The following SLC2A13 variants were observed in gnomAD, a reference collection of about 807,000 sequenced individuals.
SLC2A13 encodes the protein proton myo-inositol cotransporter.
In SLC2A13, 32 loss-of-function variants were observed where a neutral mutation model predicts 64.4. That is an observed-to-expected ratio of 0.50 (90% CI 0.37 to 0.67). SLC2A13 has a LOEUF of 0.67. Among genes scored for constraint, SLC2A13 ranks in the 30% least tolerant of loss-of-function variants. The pLI, the probability that SLC2A13 is intolerant of heterozygous loss-of-function variation, is 0.00. For missense variants in SLC2A13, 743 were observed against 829.2 expected (o/e 0.90, Z 1.28); for synonymous variants, 338 against 327.1 (o/e 1.03, Z -0.36).
chr12:39,969,287 T>A (rs1312867744), intron 3 of SLC2A13, among the ~76,000 whole-genome samples: 1 of 152,254 alleles, frequency 6.6e-6, no homozygotes, highest in Non-Finnish European at 1.5e-5. Context: ...TATAGTAGCA[T>A]GATTTATAAT....
chr12:39,764,709 G>C lies in SLC2A13; in HGVS notation c.1567+28C>G, dbSNP rs193028025. The C allele has an allele frequency of 1.7e-3, 2,696 of 1,604,740 alleles. 3 individuals are homozygous for C. The highest frequency in any genetic ancestry group is 5.8e-3 in the Middle Eastern group (35 of 6,010). On this transcript the variant is annotated intron_variant, in intron 8 of 9. Transcript: ENST00000280871. ...TCCAAAAAGAGGCAATTCAATTAATGCAACAGTATAACAAAGTCTTTGTTT... is the reference window on the plus strand; with the variant it reads ...TCCAAAAAGAGGCAATTCAATTAATCCAACAGTATAACAAAGTCTTTGTTT...
chr12:39,990,070 C>T (rs183884758), intron 3 of SLC2A13, among the ~76,000 whole-genome samples: 3 of 152,278 alleles, frequency 2.0e-5, no homozygotes, highest in East Asian at 3.9e-4. Context: ...AAGTCTAGGA[C>T]TCCTTCCTTT....
At chr12:40,085,851 G>A (rs779231196) in intron 1 of SLC2A13, among the ~76,000 whole-genome samples, 4 of 151,842 alleles carry the variant, frequency 2.6e-5, no homozygotes, top group African/African-American at 9.7e-5. Flanking sequence ...CCAATTTCAC[G>A]TCCCGCATTC....
intron 3 of SLC2A13, among the ~76,000 whole-genome samples, chr12:39,962,119 G>C (rs1216171640): frequency 2.6e-5 from 4 of 152,030 alleles, no homozygotes; most frequent in African/African-American, 9.7e-5. Flanking sequence ...CCTGAGAAAA[G>C]CCCTATGGAT....
intron 3 of SLC2A13, among the ~76,000 whole-genome samples, chr12:39,968,261 T>A (rs991747990): frequency 1.3e-5 from 2 of 151,962 alleles, no homozygotes; most frequent in African/African-American, 4.8e-5. Context: ...TGTGGGGTGG[T>A]GCGGCGGGAG....
At chr12:39,924,034 G>A (rs1043432179) in intron 4 of SLC2A13, among the ~76,000 whole-genome samples, 2 of 151,990 alleles carry the variant, frequency 1.3e-5, no homozygotes, top group African/African-American at 4.8e-5. Flanking sequence ...ATTGAATACA[G>A]CTTATCAAGA....
intron 7 of SLC2A13, among the ~76,000 whole-genome samples, chr12:39,821,725 C>T (rs1474031972): frequency 6.6e-6 from 1 of 152,122 alleles, no homozygotes; most frequent in African/African-American, 2.4e-5. Context: ...AAAGCTTTGG[C>T]TCAGAAATGA....
chr12:39,850,313 G>C (rs530999477), intron 6 of SLC2A13, among the ~76,000 whole-genome samples: 1 of 152,262 alleles, frequency 6.6e-6, no homozygotes, highest in South Asian at 2.1e-4. Flanking sequence ...AAATAAGGCA[G>C]CCTCCGGATA....
At chr12:40,024,049 C>T (rs1947764258) in intron 3 of SLC2A13, among the ~76,000 whole-genome samples, 1 of 152,228 alleles carries the variant, frequency 6.6e-6, no homozygotes, top group Non-Finnish European at 1.5e-5. Flanking sequence ...AACTTTGAAG[C>T]TAAGCAGAAA....
chr12:40,035,685 C>T (rs956070519), intron 2 of SLC2A13, among the ~76,000 whole-genome samples: 1 of 152,160 alleles, frequency 6.6e-6, no homozygotes, highest in Admixed American at 6.5e-5. Flanking sequence ...ATTCTGTATA[C>T]ACTGTAAACA....
intron 1 of SLC2A13, among the ~76,000 whole-genome samples, chr12:40,075,506 T>G (rs1316360575): frequency 6.6e-6 from 1 of 152,200 alleles, no homozygotes; most frequent in Non-Finnish European, 1.5e-5. Context: ...AGCAGACTGG[T>G]GACTACAAGC....
intron 7 of SLC2A13, among the ~76,000 whole-genome samples, chr12:39,821,885 T>C (rs112825860): frequency 0.013 from 1,940 of 152,258 alleles, 41 homozygotes; most frequent in African/African-American, 0.043. Flanking sequence ...GAATAGAAGA[T>C]AGTTGAATAA....
intron 4 of SLC2A13, among the ~76,000 whole-genome samples, chr12:39,929,217 TAC>T (rs993803289): frequency 5.3e-5 from 8 of 152,150 alleles, no homozygotes; most frequent in African/African-American, 1.9e-4. Context: ...AGGAAACTAG[TAC>T]AGAGTAAGAA....
intron 3 of SLC2A13, among the ~76,000 whole-genome samples, chr12:39,995,954 T>G (rs554935651): frequency 6.6e-6 from 1 of 152,342 alleles, no homozygotes; most frequent in African/African-American, 2.4e-5. Flanking sequence ...ACTAAACCTC[T>G]TTCTTTTGTA....
chr12:40,028,296 T>C lies in SLC2A13; in HGVS notation c.925+5A>G. On this transcript the variant is annotated splice_donor_5th_base_variant and intron_variant, in intron 3 of 9. Coordinates refer to ENST00000280871, the MANE Select transcript of SLC2A13 (RefSeq NM_052885.4). Reference sequence around the variant, plus strand: ...TAAATTCATATAAGTATAAAGTCTATATACCTGAGCCAACCTCTTTTTCCT... The same window carrying C: ...TAAATTCATATAAGTATAAAGTCTACATACCTGAGCCAACCTCTTTTTCCT... 1 of 1,612,118 alleles carries C rather than the reference T, an allele frequency of 6.2e-7. No individual in the cohort carries two copies. The highest frequency in any genetic ancestry group is 8.5e-7 in the Non-Finnish European group (1 of 1,178,788).
chr12:40,022,204 T>C (rs1947731390), intron 3 of SLC2A13, among the ~76,000 whole-genome samples: 1 of 152,184 alleles, frequency 6.6e-6, no homozygotes, highest in African/African-American at 2.4e-5. Context: ...ATCAAACTCT[T>C]TGTCAAAGGC....
intron 4 of SLC2A13, among the ~76,000 whole-genome samples, chr12:39,942,501 G>C (rs140998415): frequency 6.6e-6 from 1 of 152,232 alleles, no homozygotes; most frequent in African/African-American, 2.4e-5. Context: ...TTCTTGATTT[G>C]ATTCTCTGCT....
chr12:40,024,578 C>T (rs1029175852), intron 3 of SLC2A13, among the ~76,000 whole-genome samples: 3 of 152,118 alleles, frequency 2.0e-5, no homozygotes, highest in Non-Finnish European at 4.4e-5. Flanking sequence ...TTATTATTCT[C>T]TTCATCTTTT....
chr12:39,951,462 A>T (rs776530468), intron 3 of SLC2A13, 97 bp from the exon 4 acceptor site: 219 of 846,566 alleles, frequency 2.6e-4, no homozygotes, highest in Non-Finnish European at 3.7e-4. Flanking sequence ...ATCTTCATGA[A>T]ATCAACATGA....
Sources: allele counts gnomAD v4.1 joint callset (sites outside exome capture counted in the v4.1 genomes callset), GRCh38; gene constraint gnomAD v4.1.1; transcripts MANE v1.5; gene names NCBI Gene and HGNC (gene_info 2026-07-23, HGNC 2026-07-21).